HTR1F: variants seen among roughly 807,000 people sequenced by gnomAD.
HTR1F encodes 5-hydroxytryptamine (serotonin) receptor 1F, G protein-coupled.
In HTR1F, 17 loss-of-function variants were observed where a neutral mutation model predicts 24.0. That is an observed-to-expected ratio of 0.71 (90% CI 0.48 to 1.06). The LOEUF (loss-of-function observed/expected upper bound fraction) is 1.06. Ranked by LOEUF, HTR1F falls within the 50% of genes least tolerant of loss-of-function variation. HTR1F has a pLI of 0.00. For synonymous variants in HTR1F, 186 were observed against 156.8 expected, an observed-to-expected ratio of 1.19 and a Z score of -1.39; for missense variants, 391 against 427.8, an observed-to-expected ratio of 0.91 and a Z score of 0.76.
At chr3:87,849,273 C>A (rs1445545648) in intron 2 of HTR1F, among the ~76,000 whole-genome samples, 2 of 151,512 alleles carry the variant, frequency 1.3e-5, no homozygotes, top group African/African-American at 4.9e-5. Context: ...TAGATCAATG[C>A]AACAGAACAG....
At chr3:87,802,398 T>C (rs1392683112) in intron 1 of HTR1F, among the ~76,000 whole-genome samples, 1 of 147,148 alleles carries the variant, frequency 6.8e-6, no homozygotes, top group Non-Finnish European at 1.5e-5. Context: ...TAGAGTGCAA[T>C]AGTAGGATGA....
At chr3:87,871,147 T>C (rs1046140048) in intron 2 of HTR1F, among the ~76,000 whole-genome samples, 1 of 151,800 alleles carries the variant, frequency 6.6e-6, no homozygotes, top group South Asian at 2.1e-4. Context: ...TAAACACATA[T>C]AGATAGAAAC....
chr3:87,865,080 A>T (rs1467075253), intron 2 of HTR1F, among the ~76,000 whole-genome samples: 1 of 152,108 alleles, frequency 6.6e-6, no homozygotes, highest in African/African-American at 2.4e-5. Flanking sequence ...ATCTGCATGA[A>T]GGTTAGTCTA....
At chr3:87,936,988 C>T (rs1704436177) in intron 2 of HTR1F, among the ~76,000 whole-genome samples, 1 of 150,738 alleles carries the variant, frequency 6.6e-6, no homozygotes, top group African/African-American at 2.4e-5. Flanking sequence ...AATAAATAGC[C>T]TACCAACCAA....
chr3:87,889,483 T>C (rs1030305409), intron 2 of HTR1F, among the ~76,000 whole-genome samples: 2 of 152,192 alleles, frequency 1.3e-5, no homozygotes, highest in African/African-American at 4.8e-5. Flanking sequence ...GATCTAATTT[T>C]ATCAATTTAA....
intron 2 of HTR1F, among the ~76,000 whole-genome samples, chr3:87,974,476 A>G (rs1705350969): frequency 6.6e-6 from 1 of 152,142 alleles, no homozygotes; most frequent in African/African-American, 2.4e-5. Flanking sequence ...GCTGGTATAG[A>G]AGCATTTCTA....
intron 2 of HTR1F, among the ~76,000 whole-genome samples, chr3:87,895,278 A>G (rs1706174598): frequency 6.6e-6 from 1 of 152,174 alleles, no homozygotes; most frequent in African/African-American, 2.4e-5. Context: ...CTTTATACAG[A>G]TTAAATACAC....
chr3:87,927,895 T>A (rs1576041877), intron 2 of HTR1F, among the ~76,000 whole-genome samples: 1 of 152,152 alleles, frequency 6.6e-6, no homozygotes, highest in Non-Finnish European at 1.5e-5. Flanking sequence ...AATGCATTAA[T>A]TTTAAAGCTT....
intron 2 of HTR1F, among the ~76,000 whole-genome samples, chr3:87,894,033 G>A (rs1706144538): frequency 6.7e-6 from 1 of 150,206 alleles, no homozygotes; most frequent in Non-Finnish European, 1.5e-5. Flanking sequence ...ATTTCCATAG[G>A]TTTTGGGGGG....
intron 1 of HTR1F, among the ~76,000 whole-genome samples, chr3:87,818,379 A>C (rs1704289678): frequency 6.6e-6 from 1 of 152,158 alleles, no homozygotes; most frequent in South Asian, 2.1e-4. Context: ...TTCCTATGTC[A>C]ATTGAAAAAC....
intron 2 of HTR1F, among the ~76,000 whole-genome samples, chr3:87,862,927 C>A (rs1373461304): frequency 6.6e-6 from 1 of 152,060 alleles, no homozygotes; most frequent in Non-Finnish European, 1.5e-5. Context: ...ACCGATTATC[C>A]TGCTTCAGCC....
intron 2 of HTR1F, among the ~76,000 whole-genome samples, chr3:87,914,229 G>C (rs534048311): frequency 6.6e-6 from 1 of 152,122 alleles, no homozygotes; most frequent in Admixed American, 6.5e-5. Flanking sequence ...AGCCGTTTTT[G>C]CCTGATCTCA....
chr3:87,879,380 T>C (rs939567453), intron 2 of HTR1F, among the ~76,000 whole-genome samples: 4 of 152,198 alleles, frequency 2.6e-5, no homozygotes, highest in Admixed American at 6.5e-5. Flanking sequence ...TTAAATGTCA[T>C]TAATGTTTTT....
At chr3:87,814,234 T>G (rs2107105694) in intron 1 of HTR1F, among the ~76,000 whole-genome samples, 1 of 152,266 alleles carries the variant, frequency 6.6e-6, no homozygotes, top group East Asian at 1.9e-4. Flanking sequence ...TTTAACAAAA[T>G]TACCTAATCT....
At chr3:87,801,311 G>A (rs1324401767) in intron 1 of HTR1F, among the ~76,000 whole-genome samples, 1 of 152,128 alleles carries the variant, frequency 6.6e-6, no homozygotes, top group Non-Finnish European at 1.5e-5. Flanking sequence ...TACCAGTGTA[G>A]TAGCACACTT....
At chr3:87,826,020 T>C (rs1465279545) in intron 2 of HTR1F, among the ~76,000 whole-genome samples, 1 of 152,212 alleles carries the variant, frequency 6.6e-6, no homozygotes, top group Admixed American at 6.5e-5. Flanking sequence ...CTAAATAAGA[T>C]CATGTGTATT....
At chr3:87,906,433 C>G (rs1334186846) in intron 2 of HTR1F, among the ~76,000 whole-genome samples, 3 of 152,122 alleles carry the variant, frequency 2.0e-5, no homozygotes, top group African/African-American at 4.8e-5. Flanking sequence ...TGTTTTCTCA[C>G]ATTCAATTTT....
Position 87,922,626 on chromosome 3 carries a change from T to C in HTR1F, c.-42-68082T>C, listed in dbSNP as rs77973214. ...CCAATGTCCTGCAGCATTTACTTTA[T>C]GTTTTCTTCTAGTCATGTCACAGTT... On this transcript the variant is annotated intron_variant, in intron 2 of 2. Coordinates refer to ENST00000319595, the MANE Select transcript of HTR1F (RefSeq NM_001322209.2). Among the ~76,000 whole-genome samples, 1,276 of 152,144 alleles carry C rather than the reference T, an allele frequency of 8.4e-3. 26 individuals are homozygous for C. The highest frequency in any genetic ancestry group is 0.03 in the African/African-American group (1,232 of 41,558).
intron 2 of HTR1F, among the ~76,000 whole-genome samples, chr3:87,923,265 A>G (rs541390448): frequency 6.6e-6 from 1 of 152,088 alleles, no homozygotes; most frequent in East Asian, 1.9e-4. Flanking sequence ...TGGTTTCCAT[A>G]TGAATTTTAG....
Sources: allele counts gnomAD v4.1 joint callset (sites outside exome capture counted in the v4.1 genomes callset), GRCh38; gene constraint gnomAD v4.1.1; transcripts MANE v1.5; gene names NCBI Gene and HGNC (gene_info 2026-07-23, HGNC 2026-07-21).